AGBL4: variants seen among roughly 807,000 people sequenced by gnomAD.
The protein encoded by AGBL4 is AGBL carboxypeptidase 4.
Under a neutral mutation model 66.4 loss-of-function variants are expected in AGBL4, and 58 were observed. That is an observed-to-expected ratio of 0.87 (90% CI 0.71 to 1.09). The LOEUF is 1.09. Ranked by LOEUF, AGBL4 falls within the 50% of genes least tolerant of loss-of-function variation. The pLI is 0.00. For synonymous variants in AGBL4, 234 were observed against 222.9 expected, an observed-to-expected ratio of 1.05 and a Z score of -0.44; for missense variants, 579 against 631.0, an observed-to-expected ratio of 0.92 and a Z score of 0.88.
intron 4 of AGBL4, among the ~76,000 whole-genome samples, chr1:49,199,098 C>T (rs1279781294): frequency 2.0e-5 from 3 of 152,066 alleles, no homozygotes; most frequent in African/African-American, 7.2e-5. Flanking sequence ...TCCTATATGC[C>T]GGGACCAGTG....
intron 3 of AGBL4, among the ~76,000 whole-genome samples, chr1:49,303,946 T>TG (rs1294936969): frequency 2.4e-4 from 36 of 152,314 alleles, no homozygotes; most frequent in Admixed American, 2.2e-3. Flanking sequence ...TTCACTCTGG[T>TG]GATAGTTTCT....
At chr1:49,195,580 T>A (rs1285272104) in intron 4 of AGBL4, among the ~76,000 whole-genome samples, 1 of 152,138 alleles carries the variant, frequency 6.6e-6, no homozygotes, top group Non-Finnish European at 1.5e-5. Context: ...TTGCTGATAT[T>A]AGATTTTTCT....
intron 12 of AGBL4, among the ~76,000 whole-genome samples, chr1:48,535,638 T>C (rs2246470): frequency 0.98 from 149,359 of 152,274 alleles, 73,330 homozygotes; most frequent in East Asian, 1. Flanking sequence ...CCTGCTTCTG[T>C]CTGTTCTCTA....
chr1:49,371,288 C>CATACATACAT (rs71572681), intron 3 of AGBL4, among the ~76,000 whole-genome samples: 1 of 151,386 alleles, frequency 6.6e-6, no homozygotes, highest in Non-Finnish European at 1.5e-5. Context: ...TACATACATA[C>CATACATACAT]ACACACACAC....
At chr1:49,447,198 CAA>C (rs1166143148) in intron 3 of AGBL4, among the ~76,000 whole-genome samples, 1 of 152,206 alleles carries the variant, frequency 6.6e-6, no homozygotes, top group Non-Finnish European at 1.5e-5. Context: ...AAACCAAGTA[CAA>C]AGTTTGTGCC....
At chr1:48,585,253 A>G (rs3814007) in intron 11 of AGBL4, 16,443 of 152,192 alleles carry the variant, frequency 0.11, 1,031 homozygotes, top group East Asian at 0.24. Flanking sequence ...ACAGCAAAAA[A>G]CAACAAACTA....
chr1:49,850,830 T>C (rs370978464), intron 2 of AGBL4, among the ~76,000 whole-genome samples: 1 of 152,150 alleles, frequency 6.6e-6, no homozygotes, highest in Admixed American at 6.6e-5. Context: ...AATTAGAGCA[T>C]GAGGCTCAGA....
At chr1:48,698,995 G>C (rs1646758756) in intron 6 of AGBL4, among the ~76,000 whole-genome samples, 1 of 152,182 alleles carries the variant, frequency 6.6e-6, no homozygotes, top group Non-Finnish European at 1.5e-5. Flanking sequence ...TAGTAGGTTG[G>C]GGATCCTCTG....
chr1:49,525,502 G>A (rs902903550), intron 3 of AGBL4, among the ~76,000 whole-genome samples: 3 of 151,948 alleles, frequency 2.0e-5, no homozygotes, highest in Admixed American at 2.0e-4. Context: ...TTCTTTTTAT[G>A]TAATGTCTTC....
chr1:48,988,145 TA>T (rs1212608383), intron 5 of AGBL4, among the ~76,000 whole-genome samples: 4 of 152,072 alleles, frequency 2.6e-5, no homozygotes, highest in Admixed American at 2.0e-4. Context: ...TACATACACT[TA>T]AAATGGAACC....
chr1:49,603,571 T>TAAATAAATAAAC (rs1553234537), intron 3 of AGBL4, among the ~76,000 whole-genome samples: 23 of 135,132 alleles, frequency 1.7e-4, no homozygotes, highest in African/African-American at 3.2e-4. Flanking sequence ...AATAAATAAA[T>TAAATAAATAAAC]AAACAAATAA....
intron 5 of AGBL4, among the ~76,000 whole-genome samples, chr1:48,916,919 T>C (rs1653631700): frequency 6.6e-6 from 1 of 152,246 alleles, no homozygotes; most frequent in South Asian, 2.1e-4. Flanking sequence ...ATATGTTGAC[T>C]TGTAGAATTA....
At position 49,573,142 on chromosome 1, in the gene AGBL4, GTGTC is replaced by G. The variant is rs1435792320; in HGVS notation, c.282+124167_282+124170del. Among the ~76,000 whole-genome samples, 84 of 133,438 alleles carry G rather than the reference GTGTC, an allele frequency of 6.3e-4. No homozygotes were observed. The South Asian group carries it at 0.014, about 22-fold the overall frequency. 87.5% of individuals were successfully genotyped at this position (133,438 alleles called of 152,430 possible). ...TATATATATGTGTGTCTGTGTGTGT[GTGTC>G]TGTGTGTGTGTGTGTGTGTGTGTGT... On this transcript the variant is annotated intron_variant, in intron 3 of 13. Transcript: ENST00000371839.
chr1:49,327,073 C>A (rs1645242083), intron 3 of AGBL4, among the ~76,000 whole-genome samples: 1 of 152,146 alleles, frequency 6.6e-6, no homozygotes, highest in Non-Finnish European at 1.5e-5. Flanking sequence ...TCTCTCATGT[C>A]TCCTCTGACT....
chr1:49,143,895 G>C (rs1036620532), intron 4 of AGBL4, among the ~76,000 whole-genome samples: 1 of 152,178 alleles, frequency 6.6e-6, no homozygotes, highest in African/African-American at 2.4e-5. Flanking sequence ...TTTCAATCCA[G>C]ACTGAGCTGG....
chr1:48,906,539 A>G (rs1652608974), intron 5 of AGBL4, among the ~76,000 whole-genome samples: 1 of 152,118 alleles, frequency 6.6e-6, no homozygotes, highest in Non-Finnish European at 1.5e-5. Flanking sequence ...GGGGTGAGGG[A>G]GGTAGACTTT....
intron 5 of AGBL4, among the ~76,000 whole-genome samples, chr1:48,917,859 G>C (rs1653729123): frequency 6.6e-6 from 1 of 152,140 alleles, no homozygotes; most frequent in Non-Finnish European, 1.5e-5. Flanking sequence ...CATTTTTATA[G>C]GGATCACCTC....
At chr1:49,883,033 A>G (rs1280005030) in intron 1 of AGBL4, among the ~76,000 whole-genome samples, 2 of 152,146 alleles carry the variant, frequency 1.3e-5, no homozygotes. Context: ...GCTTTAATAA[A>G]CACTGTTTTT....
intron 3 of AGBL4, among the ~76,000 whole-genome samples, chr1:49,354,258 CCCATGA>C (rs1441623603): frequency 2.6e-5 from 4 of 152,190 alleles, no homozygotes; most frequent in African/African-American, 9.6e-5. Context: ...TGTCGCACAT[CCCATGA>C]GGGAGTTAGG....
Sources: gnomAD v4.1 joint callset for allele counts (sites outside exome capture counted in the v4.1 genomes callset) on GRCh38, gnomAD v4.1.1 for gene constraint, MANE v1.5 for transcripts, NCBI Gene and HGNC (gene_info 2026-07-23, HGNC 2026-07-21) for gene names.